The following TMEM168 variants were observed in gnomAD, a reference collection of about 807,000 sequenced individuals.
TMEM168 encodes transmembrane protein 168.
TMEM168 carries 40 observed loss-of-function variants against 53.2 expected under a neutral mutation model. The observed-to-expected ratio is 0.75, with a 90% CI of 0.58 to 0.98. TMEM168 has a LOEUF of 0.98. Ranked by LOEUF, TMEM168 falls within the 50% of genes least tolerant of loss-of-function variation. The pLI is 0.00. For synonymous variants in TMEM168, 282 were observed against 293.0 expected, an observed-to-expected ratio of 0.96 and a Z score of 0.38; for missense variants, 771 against 828.8, an observed-to-expected ratio of 0.93 and a Z score of 0.86.
At chr7:112,775,683 C>T (rs1286428012) in intron 2 of TMEM168, among the ~76,000 whole-genome samples, 2 of 151,294 alleles carry the variant, frequency 1.3e-5, no homozygotes, top group Non-Finnish European at 2.9e-5. Context: ...TTGTTAAAAC[C>T]CACATGCCTA....
intron 2 of TMEM168, among the ~76,000 whole-genome samples, chr7:112,775,761 T>G (rs994301453): frequency 4.6e-5 from 7 of 152,104 alleles, no homozygotes; most frequent in African/African-American, 1.7e-4. Context: ...GGTCATTTTT[T>G]CCCCATGAAA....
At chr7:112,773,544 A>T (rs1247322852) in intron 3 of TMEM168, among the ~76,000 whole-genome samples, 1 of 151,684 alleles carries the variant, frequency 6.6e-6, no homozygotes, top group Non-Finnish European at 1.5e-5. Flanking sequence ...CTTAAGGTAC[A>T]TAAATAATAG....
At chr7:112,778,348 A>G (rs1280295770) in intron 2 of TMEM168, 1 of 152,210 alleles carries the variant, frequency 6.6e-6, no homozygotes, top group African/African-American at 2.4e-5. Context: ...AAGGCACCGC[A>G]TTGAGTCTTT....
chr7:112,779,015 A>C (rs1449541196), intron 2 of TMEM168, among the ~76,000 whole-genome samples: 1 of 152,044 alleles, frequency 6.6e-6, no homozygotes, highest in East Asian at 1.9e-4. Context: ...CAGCCACCCA[A>C]GTAGCTTGGG....
intron 4 of TMEM168, among the ~76,000 whole-genome samples, chr7:112,769,119 A>C (rs1255770398): frequency 6.6e-6 from 1 of 152,220 alleles, no homozygotes; most frequent in Non-Finnish European, 1.5e-5. Context: ...CACCATTAAA[A>C]ATGGACACCA....
chr7:112,788,804 T>C (rs552401810), intron 1 of TMEM168, among the ~76,000 whole-genome samples: 303 of 152,338 alleles, frequency 2.0e-3, no homozygotes, highest in African/African-American at 6.8e-3. Context: ...AAACATTTTT[T>C]AAATGTTTCT....
At chr7:112,780,815 A>C (rs1363428989) in intron 2 of TMEM168, among the ~76,000 whole-genome samples, 2 of 152,150 alleles carry the variant, frequency 1.3e-5, no homozygotes, top group Admixed American at 1.3e-4. Flanking sequence ...AACGGAAAAC[A>C]GGTTGCCAAG....
intron 2 of TMEM168, among the ~76,000 whole-genome samples, chr7:112,782,443 T>C (rs972954727): frequency 4.6e-5 from 7 of 152,006 alleles, no homozygotes; most frequent in Non-Finnish European, 1.0e-4. Context: ...AAAAAGTATT[T>C]AGGGCTGGGA....
Position 112,767,044 on chromosome 7 carries a change from A to G in TMEM168, c.*153T>C. 1.3e-6 allele frequency: 1 copy of G among 753,740 alleles called. No individual in the cohort carries two copies. The highest frequency in any genetic ancestry group is 2.0e-5 in the South Asian group (1 of 50,718). The allele number at this position is 753,740 out of a possible 1,614,324, so 46.7% of individuals were successfully genotyped here. A position where few individuals can be genotyped will look rare whatever the true frequency, so the allele number is the denominator to read the frequency against. On this transcript the variant is annotated 3_prime_UTR_variant, in exon 5 of 5. Coordinates refer to ENST00000312814, the MANE Select transcript of TMEM168 (RefSeq NM_022484.6). ...AAAATGTTTTTTCCCAACGCCTTAT[A>G]TATACCATAATTACTTAAGAAAAGA...
chr7:112,787,880 G>A (rs1793434986), intron 1 of TMEM168, among the ~76,000 whole-genome samples: 1 of 151,098 alleles, frequency 6.6e-6, no homozygotes, highest in Non-Finnish European at 1.5e-5. Context: ...TTACAGGCAT[G>A]TGCCACCATG....
Position 112,775,258 on chromosome 7 carries a change from G to C in TMEM168, c.1189C>G (p.His397Asp). 4 of 1,613,676 alleles carry C rather than the reference G, an allele frequency of 2.5e-6. No homozygotes were observed. Among genetic ancestry groups the C allele is most frequent in the Non-Finnish European group, 3.4e-6 (4 of 1,179,814 alleles). ...LIVLPLESMA[H>D]GLFHELGNCL... ...TTACCCAATTCATGGAAGAGCCCAT[G>C]AGCCATGGATTCCAATGGCAAAACG... Residue 397 changes from histidine (H) to aspartate (D), a missense_variant, in exon 3 of 5, where the codon CAT becomes GAT. Coordinates refer to ENST00000312814, the MANE Select transcript of TMEM168 (RefSeq NM_022484.6).
At chr7:112,786,539 A>C (rs1168461810) in intron 1 of TMEM168, among the ~76,000 whole-genome samples, 2 of 151,998 alleles carry the variant, frequency 1.3e-5, no homozygotes, top group East Asian at 3.9e-4. Flanking sequence ...CCTTTGGTAT[A>C]TTTTGGTTTA....
intron 2 of TMEM168, among the ~76,000 whole-genome samples, chr7:112,781,855 C>T (rs1233596986): frequency 6.6e-6 from 1 of 151,796 alleles, no homozygotes; most frequent in East Asian, 1.9e-4. Flanking sequence ...AAAGCAGAGC[C>T]CATAAAAGAA....
rs143189587 is a variant in TMEM168 at position 112,763,595 on chromosome 7, A to G, written c.*3602T>C. 9 of 152,296 alleles carry G rather than the reference A, an allele frequency of 5.9e-5. No individual in the cohort carries two copies. The East Asian group carries it at 1.7e-3, about 29-fold the overall frequency. The allele number at this position is 152,296 out of a possible 1,614,324, so 9.4% of individuals were successfully genotyped here. A position where few individuals can be genotyped will look rare whatever the true frequency, so the allele number is the denominator to read the frequency against. Reference sequence around the variant, plus strand: ...CTTACTGTCAAATATATCTAATCACATTCTTAAAATTAAATCATTTTCTTC... The same window carrying G: ...CTTACTGTCAAATATATCTAATCACGTTCTTAAAATTAAATCATTTTCTTC... On this transcript the variant is annotated 3_prime_UTR_variant, in exon 5 of 5. Transcript: ENST00000312814.
At position 112,766,128 on chromosome 7, in the gene TMEM168, A is replaced by G. The variant is rs979162763; in HGVS notation, c.*1069T>C. On this transcript the variant is annotated 3_prime_UTR_variant, in exon 5 of 5. Coordinates refer to ENST00000312814, the MANE Select transcript of TMEM168 (RefSeq NM_022484.6). ...AGTGCCTGCTTTAATCAGACAAAAC[A>G]CTAAGTTTTAAAAATTACAACCACA... 6.6e-6 allele frequency: 1 copy of G among 152,608 alleles called. No homozygotes were observed. Among genetic ancestry groups the G allele is most frequent in the African/African-American group, 2.4e-5 (1 of 41,452 alleles). The allele number at this position is 152,608 out of a possible 1,614,324, so 9.5% of individuals were successfully genotyped here. A position where few individuals can be genotyped will look rare whatever the true frequency, so the allele number is the denominator to read the frequency against.
intron 1 of TMEM168, among the ~76,000 whole-genome samples, chr7:112,787,809 C>A (rs755207015): frequency 7.0e-6 from 1 of 141,852 alleles, no homozygotes; most frequent in Non-Finnish European, 1.5e-5. Context: ...CTCGGCTCAC[C>A]GCAACCTCTG....
chr7:112,788,759 T>A (rs1266797562), intron 1 of TMEM168, among the ~76,000 whole-genome samples: 1 of 152,170 alleles, frequency 6.6e-6, no homozygotes, highest in Non-Finnish European at 1.5e-5. Flanking sequence ...TCATCTACAT[T>A]TAATCCTCAC....
chr7:112,779,177 C>T (rs1357633496), intron 2 of TMEM168, among the ~76,000 whole-genome samples: 1 of 152,170 alleles, frequency 6.6e-6, no homozygotes, highest in Non-Finnish European at 1.5e-5. Context: ...AAATGTGAGT[C>T]ATCATGCCTG....
intron 3 of TMEM168, 116 bp from the exon 4 acceptor site, chr7:112,773,171 T>C (rs1792976423): frequency 8.8e-7 from 1 of 1,135,866 alleles, no homozygotes; most frequent in East Asian, 2.6e-5. Flanking sequence ...GGCAGGATTT[T>C]TGTAAAAAAT....
Sources: gnomAD v4.1 joint callset for allele counts (sites outside exome capture counted in the v4.1 genomes callset) on GRCh38, gnomAD v4.1.1 for gene constraint, MANE v1.5 for transcripts, NCBI Gene and HGNC (gene_info 2026-07-23, HGNC 2026-07-21) for gene names.